KCNN2: variants seen among roughly 807,000 people sequenced by gnomAD.
KCNN2 encodes the protein small conductance calcium-activated potassium channel protein 2.
A neutral mutation model predicts 55.5 loss-of-function variants in KCNN2; 24 were observed. The observed-to-expected ratio is 0.43, with a 90% confidence interval of 0.31 to 0.61. The LOEUF (loss-of-function observed/expected upper bound fraction) is 0.61, where lower values mean the gene tolerates loss of function less well. Ranked by LOEUF, KCNN2 falls within the 20% of genes least tolerant of loss-of-function variation. KCNN2 has a pLI of 0.08. For missense variants in KCNN2, 754 were observed against 853.6 expected, an observed-to-expected ratio of 0.88 and a Z score of 1.45; for synonymous variants, 431 against 336.1, an observed-to-expected ratio of 1.28 and a Z score of -3.09.
rs149755169 is a variant in KCNN2, at chr5:114,404,473, A to G, written c.1254A>G (p.Arg418=). 1.4e-5 allele frequency: 23 copies of G among 1,613,406 alleles called. No individual in the cohort carries two copies. Among genetic ancestry groups the G allele is most frequent in the Non-Finnish European group, 1.9e-5 (22 of 1,179,942 alleles). ...FMVDNGADDW[R]IAMTYERIFF... ...TGGACAATGGAGCAGATGACTGGAGAATAGCCATGACTTATGAGCGTATTT... is the reference window on the plus strand; with the variant it reads ...TGGACAATGGAGCAGATGACTGGAGGATAGCCATGACTTATGAGCGTATTT... Residue 418 remains arginine (R), a synonymous_variant, in exon 3 of 8, where the codon AGA becomes AGG. Transcript: ENST00000673685.
At chr5:114,216,631 T>G (rs4512129) in intron 1 of KCNN2, among the ~76,000 whole-genome samples, 59,154 of 151,924 alleles carry the variant, frequency 0.39, 11,815 homozygotes, top group East Asian at 0.73. Context: ...GAGAGGAACA[T>G]CCTTAAATTG....
intron 1 of KCNN2, among the ~76,000 whole-genome samples, chr5:114,067,016 A>C (rs1208830713): frequency 6.6e-6 from 1 of 152,218 alleles, no homozygotes; most frequent in East Asian, 1.9e-4. Flanking sequence ...AGGACATTCA[A>C]ACAACTTCAG....
At chr5:114,469,444 G>A (rs1174480099) in intron 4 of KCNN2, among the ~76,000 whole-genome samples, 18 of 152,126 alleles carry the variant, frequency 1.2e-4, no homozygotes. Flanking sequence ...TTTTGCTTAA[G>A]TTTTTTCTAA....
intron 1 of KCNN2, among the ~76,000 whole-genome samples, chr5:114,101,275 A>G (rs1188949479): frequency 6.6e-6 from 1 of 151,920 alleles, no homozygotes; most frequent in Non-Finnish European, 1.5e-5. Context: ...CATCCATCCC[A>G]TAAATATGAT....
At chr5:114,298,828 A>G (rs1045136619) in intron 2 of KCNN2, among the ~76,000 whole-genome samples, 1 of 152,116 alleles carries the variant, frequency 6.6e-6, no homozygotes, top group African/African-American at 2.4e-5. Context: ...ATCATGTGTG[A>G]TCGCTCTCTT....
chr5:114,221,936 T>C (rs1032094008), intron 2 of KCNN2, among the ~76,000 whole-genome samples: 6 of 152,336 alleles, frequency 3.9e-5, no homozygotes, highest in Admixed American at 2.6e-4. Flanking sequence ...AACAAAATAC[T>C]ATAGCTTCTT....
At chr5:114,387,849 C>G (rs1758332597) in intron 2 of KCNN2, among the ~76,000 whole-genome samples, 1 of 152,152 alleles carries the variant, frequency 6.6e-6, no homozygotes. Context: ...CAGTAGAGGG[C>G]TTTGCTCTCC....
intron 3 of KCNN2, among the ~76,000 whole-genome samples, chr5:114,447,379 C>G (rs1760459834): frequency 1.3e-5 from 2 of 152,194 alleles, no homozygotes; most frequent in Admixed American, 1.3e-4. Context: ...TGACTGTCAT[C>G]AGCCTAATTT....
intron 1 of KCNN2, among the ~76,000 whole-genome samples, chr5:114,199,812 T>C (rs1753635295): frequency 6.6e-6 from 1 of 152,104 alleles, no homozygotes; most frequent in African/African-American, 2.4e-5. Flanking sequence ...TTTTTTTCTA[T>C]TAGCACTTTG....
intron 2 of KCNN2, among the ~76,000 whole-genome samples, chr5:114,256,501 G>T (rs535647201): frequency 6.6e-6 from 1 of 152,166 alleles, no homozygotes; most frequent in South Asian, 2.1e-4. Flanking sequence ...CATCAGTGTT[G>T]TATGTGTTTC....
intron 1 of KCNN2, among the ~76,000 whole-genome samples, chr5:114,100,303 G>A (rs140803898): frequency 6.6e-6 from 1 of 152,080 alleles, no homozygotes; most frequent in African/African-American, 2.4e-5. Flanking sequence ...TATAGATGGA[G>A]CTCTAGCTTT....
intron 2 of KCNN2, among the ~76,000 whole-genome samples, chr5:114,293,616 G>A (rs1369459553): frequency 3.3e-5 from 5 of 152,140 alleles, no homozygotes; most frequent in African/African-American, 1.2e-4. Context: ...GAGGATTTTT[G>A]CATCAATGTT....
intron 2 of KCNN2, among the ~76,000 whole-genome samples, chr5:114,304,626 G>C (rs1756232194): frequency 6.6e-6 from 1 of 152,190 alleles, no homozygotes; most frequent in African/African-American, 2.4e-5. Flanking sequence ...CTAAGGGTCT[G>C]TGCTGCAATT....
chr5:114,445,037 G>T (rs550915659), intron 3 of KCNN2, among the ~76,000 whole-genome samples: 130 of 152,228 alleles, frequency 8.5e-4, no homozygotes, highest in African/African-American at 3.0e-3. Context: ...ATGATGGGAG[G>T]TCACAATTCT....
At chr5:114,312,434 C>CACAT (rs1561566604) in intron 2 of KCNN2, among the ~76,000 whole-genome samples, 24 of 23,376 alleles carry the variant, frequency 1.0e-3, no homozygotes, top group Non-Finnish European at 1.6e-3. Context: ...CACACACACA[C>CACAT]ATATATATAT....
intron 1 of KCNN2, among the ~76,000 whole-genome samples, chr5:114,158,282 T>A (rs943231018): frequency 6.6e-6 from 1 of 152,238 alleles, no homozygotes; most frequent in Non-Finnish European, 1.5e-5. Context: ...TTGCTTGTTT[T>A]TGCCAGGTTT....
chr5:114,222,876 G>T (rs1437578856), intron 2 of KCNN2, among the ~76,000 whole-genome samples: 1 of 152,084 alleles, frequency 6.6e-6, no homozygotes, highest in Non-Finnish European at 1.5e-5. Context: ...TATTGAAACT[G>T]GTGGTGTGAC....
intron 3 of KCNN2, among the ~76,000 whole-genome samples, chr5:114,424,537 A>G (rs189490370): frequency 5.4e-4 from 83 of 152,360 alleles, no homozygotes; most frequent in African/African-American, 1.9e-3. Flanking sequence ...GAGCAGGCCT[A>G]AAGTGTTTTA....
chr5:114,393,103 A>T (rs1224860268), intron 2 of KCNN2, among the ~76,000 whole-genome samples: 1 of 152,086 alleles, frequency 6.6e-6, no homozygotes, highest in Non-Finnish European at 1.5e-5. Context: ...GGAAACATTA[A>T]GATGTAAATT....
Sources: allele counts gnomAD v4.1 joint callset (sites outside exome capture counted in the v4.1 genomes callset), GRCh38; gene constraint gnomAD v4.1.1; transcripts MANE v1.5; gene names NCBI Gene and HGNC (gene_info 2026-07-23, HGNC 2026-07-21).